The following DMD variants were observed in gnomAD, a reference collection of about 807,000 sequenced individuals.
DMD encodes the protein mutant dystrophin.
In DMD, 63 loss-of-function variants were observed where a neutral mutation model predicts 330.1. That is an observed-to-expected ratio of 0.19 (90% CI 0.16 to 0.24). DMD has a LOEUF of 0.24. Among genes scored for constraint, DMD ranks in the 10% least tolerant of loss-of-function variants. The pLI, the probability that DMD is intolerant of heterozygous loss-of-function variation, is 1.00. For synonymous variants in DMD, 1,223 were observed against 959.8 expected (o/e 1.27, Z -5.07); for missense variants, 3,344 against 2,684.1 (o/e 1.25, Z -5.43).
intron 1 of DMD, among the ~76,000 whole-genome samples, chrX:33,076,400 C>G (rs1260276503): frequency 9.0e-6 from 1 of 111,438 alleles, no homozygotes; most frequent in East Asian, 2.8e-4. Flanking sequence ...GCAAGGTGAA[C>G]CTGATGGCAA....
upstream of DMD, among the ~76,000 whole-genome samples, chrX:33,213,921 A>G (rs953291882): frequency 9.0e-6 from 1 of 111,541 alleles, no homozygotes; most frequent in Non-Finnish European, 1.9e-5. Context: ...CTTTACAGTC[A>G]CAACAGTCAC....
intron 1 of DMD, among the ~76,000 whole-genome samples, chrX:33,128,703 A>G (rs1029400216): frequency 6.2e-5 from 7 of 112,211 alleles, no homozygotes; most frequent in South Asian, 3.7e-4. Flanking sequence ...AAAAAGAAGC[A>G]GAGAAGGAAG....
intron 13 of DMD, among the ~76,000 whole-genome samples, chrX:32,591,723 G>T (rs1191959433): frequency 8.9e-6 from 1 of 112,371 alleles, no homozygotes; most frequent in African/African-American, 3.2e-5. Context: ...GCTCCCTACT[G>T]AGTTGGCAGG....
intron 2 of DMD, among the ~76,000 whole-genome samples, chrX:32,893,583 TG>T (rs2085422997): frequency 8.9e-6 from 1 of 112,208 alleles, no homozygotes; most frequent in Non-Finnish European, 1.9e-5. Flanking sequence ...TTAAATTTGC[TG>T]TGATAAACAG....
intron 12 of DMD, among the ~76,000 whole-genome samples, chrX:32,609,866 C>T (rs2057026053): frequency 9.0e-6 from 1 of 111,292 alleles, no homozygotes; most frequent in African/African-American, 3.3e-5. Context: ...TGCATCTATG[C>T]ACAAAAGTCT....
chrX:32,904,509 T>C (rs1265532366), intron 2 of DMD, among the ~76,000 whole-genome samples: 2 of 112,212 alleles, frequency 1.8e-5, no homozygotes, highest in Non-Finnish European at 3.8e-5. Flanking sequence ...GGGTAAGTCA[T>C]AGACACTGAA....
At chrX:31,944,230 A>G (rs1336150328) in intron 45 of DMD, among the ~76,000 whole-genome samples, 1 of 82,262 alleles carries the variant, frequency 1.2e-5, no homozygotes, top group East Asian at 3.9e-4. Context: ...CTCTCATTCT[A>G]TTATGAGTTT....
intron 1 of DMD, among the ~76,000 whole-genome samples, chrX:33,075,388 T>C (rs6527256): frequency 0.089 from 9,877 of 111,323 alleles, 1,091 homozygotes; most frequent in African/African-American, 0.31. Context: ...TGAGTAATAG[T>C]AAAACTCTGA....
chrX:32,158,877 C>T (rs2096839439), intron 44 of DMD, among the ~76,000 whole-genome samples: 1 of 111,878 alleles, frequency 8.9e-6, no homozygotes, highest in Non-Finnish European at 1.9e-5. Context: ...TCTTCATTAG[C>T]ATAACTTTCC....
intron 2 of DMD, among the ~76,000 whole-genome samples, chrX:32,980,147 C>T (rs1200247532): frequency 9.1e-6 from 1 of 109,991 alleles, no homozygotes; most frequent in East Asian, 2.9e-4. Context: ...GGGCAGATCA[C>T]TTGAGGTCAG....
chrX:32,703,912 T>G (rs763827837), intron 7 of DMD, among the ~76,000 whole-genome samples: 8 of 111,643 alleles, frequency 7.2e-5, no homozygotes, highest in African/African-American at 2.0e-4. Context: ...ACTTAACAAT[T>G]ACATGAACGT....
intron 55 of DMD, among the ~76,000 whole-genome samples, chrX:31,548,253 G>A (rs1010976905): frequency 1.8e-5 from 2 of 111,845 alleles, no homozygotes; most frequent in Non-Finnish European, 3.8e-5. Context: ...TAGCAATGCA[G>A]AATCGCAGGC....
At chrX:31,296,108 G>A (rs1183943001) in intron 62 of DMD, among the ~76,000 whole-genome samples, 5 of 110,013 alleles carry the variant, frequency 4.5e-5, no homozygotes, top group Non-Finnish European at 9.5e-5. Flanking sequence ...ATCTTCCTGA[G>A]GTGTTAAACA....
intron 7 of DMD, among the ~76,000 whole-genome samples, chrX:32,735,112 A>G (rs1269434485): frequency 9.2e-6 from 1 of 109,061 alleles, no homozygotes; most frequent in Non-Finnish European, 1.9e-5. Context: ...GCATTCTTAT[A>G]CACCAACAAC....
intron 77 of DMD, among the ~76,000 whole-genome samples, chrX:31,133,236 G>A (rs2034747504): frequency 8.9e-6 from 1 of 112,080 alleles, no homozygotes; most frequent in Non-Finnish European, 1.9e-5. Flanking sequence ...ACAAAGCCTT[G>A]TGTTTTCTCC....
At chrX:31,536,671 C>A (rs2073430529) in intron 55 of DMD, among the ~76,000 whole-genome samples, 1 of 111,708 alleles carries the variant, frequency 9.0e-6, no homozygotes, top group South Asian at 3.8e-4. Context: ...CCTACTTAAC[C>A]TTTCACCAAA....
Position 31,569,662 on chromosome X carries a change from A to ATATACGTG in DMD, c.8217+58010_8217+58011insCACGTATA, listed in dbSNP as rs1168500186. 1.9e-4 allele frequency among the ~76,000 whole-genome samples: 17 copies of ATATACGTG among 90,553 alleles called. No homozygotes were observed. In the East Asian group the frequency reaches 2.3e-3, roughly 12 times the overall value. 78.6% of individuals were successfully genotyped at this position (90,553 alleles called of 115,157 possible). On this transcript the variant is annotated intron_variant, in intron 55 of 78. Coordinates refer to ENST00000357033, the MANE Select transcript of DMD (RefSeq NM_004006.3). ...TATATGTATATACGTATATATACGT[A>ATATACGTG]TATATACGTATATATATATGCCAAT...
rs758845466 is a variant in DMD at position 32,338,148 on chromosome X, GA to G, written c.5922+3951del. 1.6e-3 allele frequency among the ~76,000 whole-genome samples: 180 copies of G among 111,262 alleles called. 1 individual carries two copies. Among genetic ancestry groups the G allele is most frequent in the African/African-American group, 5.2e-3 (161 of 30,749 alleles). The stretch of plus-strand genomic sequence containing the variant: ...CTGTCTTCTAATATCTATTGTTGAT[GA>G]AAAGTCTTCAGTCAATATTGTCATC... On this transcript the variant is annotated intron_variant, in intron 41 of 78. Coordinates refer to ENST00000357033, the MANE Select transcript of DMD (RefSeq NM_004006.3).
chrX:33,259,878 G>T lies in DMD; in HGVS notation c.7+79381C>A, dbSNP rs182137784. On this transcript the variant is annotated intron_variant, in intron 1 of 17. Coordinates refer to the DMD transcript ENST00000288447. Reference sequence around the variant, plus strand: ...ACTTACAGTTCCCCCATATTTGTTGGTCTTTTTTCATGGCTTTATAGCTCA... The same window carrying T: ...ACTTACAGTTCCCCCATATTTGTTGTTCTTTTTTCATGGCTTTATAGCTCA... 3.4e-3 allele frequency among the ~76,000 whole-genome samples: 377 copies of T among 109,759 alleles called. 3 individuals are homozygous for T. Among genetic ancestry groups the T allele is most frequent in the African/African-American group, 0.011 (343 of 30,308 alleles).
Sources: allele counts gnomAD v4.1 joint callset (sites outside exome capture counted in the v4.1 genomes callset), GRCh38; gene constraint gnomAD v4.1.1; transcripts MANE v1.5; gene names NCBI Gene and HGNC (gene_info 2026-07-23, HGNC 2026-07-21).